PLEKHG5: variants seen among roughly 807,000 people sequenced by gnomAD.
PLEKHG5 encodes the protein pleckstrin homology domain-containing family G member 5.
In PLEKHG5, 52 loss-of-function variants were observed where a neutral mutation model predicts 103.8. The ratio of observed to expected loss-of-function variants is 0.50; its 90% CI spans 0.40 to 0.63. PLEKHG5 has a LOEUF of 0.63. Among genes scored for constraint, PLEKHG5 ranks in the 30% least tolerant of loss-of-function variants. The pLI is 0.00. For synonymous variants in PLEKHG5, 592 were observed against 575.5 expected (o/e 1.03, Z -0.41); for missense variants, 1,205 against 1,347.6 (o/e 0.89, Z 1.66).
At chr1:6,506,880 C>G (rs907153680) in intron 1 of PLEKHG5, among the ~76,000 whole-genome samples, 1 of 152,214 alleles carries the variant, frequency 6.6e-6, no homozygotes, top group African/African-American at 2.4e-5. Context: ...TCCTTCAGAT[C>G]ATGTCGCCTA....
At chr1:6,468,713 G>C in intron 19 of PLEKHG5, 127 bp from the exon 20 acceptor site, 1 of 990,304 alleles carries the variant, frequency 1.0e-6, no homozygotes, top group South Asian at 1.4e-5. Flanking sequence ...AGAGATGGCA[G>C]CATGTGGCAG....
Position 6,516,973 on chromosome 1 carries a change from C to T in PLEKHG5, c.-165+2472G>A, listed in dbSNP as rs927663257. 6.0e-5 allele frequency among the ~76,000 whole-genome samples: 9 copies of T among 149,762 alleles called. No homozygotes were observed. In the Admixed American group the frequency reaches 6.0e-4, roughly 10 times the overall value. On this transcript the variant is annotated intron_variant, in intron 1 of 21. Transcript: ENST00000377740. Reference sequence around the variant, plus strand: ...TAAAAGTAATACCTCTGTGGCTGGGCAAGGTGGCTCACACCTATAATCTCA... The same window carrying T: ...TAAAAGTAATACCTCTGTGGCTGGGTAAGGTGGCTCACACCTATAATCTCA...
chr1:6,519,609 T>A, exon 1 of PLEKHG5: 1 of 897,332 alleles, frequency 1.1e-6, no homozygotes. Context: ...CGTCCTGCTT[T>A]GCCCAGTTGC....
chr1:6,492,197 C>T (rs763210973), upstream of PLEKHG5, among the ~76,000 whole-genome samples: 54 of 152,312 alleles, frequency 3.5e-4, no homozygotes, highest in Admixed American at 5.2e-4. Context: ...GCATACAGTA[C>T]GTGCTGGATC....
chr1:6,489,136 C>T (rs551301479), intron 1 of PLEKHG5, among the ~76,000 whole-genome samples: 2 of 152,192 alleles, frequency 1.3e-5, no homozygotes, highest in African/African-American at 2.4e-5. Context: ...GATGTCCTTG[C>T]CAGGAATTCC....
At chr1:6,504,593 G>GC (rs1638252771) in intron 1 of PLEKHG5, among the ~76,000 whole-genome samples, 1 of 141,948 alleles carries the variant, frequency 7.0e-6, no homozygotes, top group African/African-American at 2.6e-5. Context: ...TTTTTGAGAT[G>GC]GAGTCTCGCT....
intron 1 of PLEKHG5, chr1:6,519,344 A>AGT: frequency 1.1e-6 from 1 of 901,468 alleles, no homozygotes; most frequent in Non-Finnish European, 1.9e-6. Context: ...TAATTCAGTG[A>AGT]GTGTGAGTCC....
Position 6,490,412 on chromosome 1 carries a change from C to T in PLEKHG5, c.-88+1225G>A, listed in dbSNP as rs911699104. ...CCTGGCGCCTAGTCCCACCCCCCGT[C>T]CGGAGCGCAGCTCCCACTTCCCCGC... On this transcript the variant is annotated intron_variant, in intron 1 of 20. Coordinates refer to ENST00000377728, the MANE Select transcript of PLEKHG5 (RefSeq NM_020631.6). The surrounding 1 kb of genome is among the most constrained non-coding windows in gnomAD (Gnocchi z 8.0). 4 of 980,658 alleles carry T rather than the reference C, an allele frequency of 4.1e-6. No individual in the cohort carries two copies. The African/African-American group carries it at 5.3e-5, about 13-fold the overall frequency. 60.7% of individuals were successfully genotyped at this position (980,658 alleles called of 1,614,324 possible).
At chr1:6,513,923 T>TG (rs1226492738) in intron 1 of PLEKHG5, among the ~76,000 whole-genome samples, 3 of 152,214 alleles carry the variant, frequency 2.0e-5, no homozygotes, top group Admixed American at 1.3e-4. Flanking sequence ...AGGGCAGCTA[T>TG]GGGGTCTCAA....
chr1:6,491,009 C>T lies in PLEKHG5; in HGVS notation c.-88+628G>A, dbSNP rs1401002743. 6.6e-6 allele frequency among the ~76,000 whole-genome samples: 1 copy of T among 152,148 alleles called. No individual in the cohort carries two copies. The highest frequency in any genetic ancestry group is 1.5e-5 in the Non-Finnish European group (1 of 68,028). On this transcript the variant is annotated intron_variant, in intron 1 of 20. Coordinates refer to ENST00000377728, the MANE Select transcript of PLEKHG5 (RefSeq NM_020631.6). The surrounding 1 kb of genome is among the most constrained non-coding windows in gnomAD (Gnocchi z 4.1). ...CCGGAATCGCCCTGAGCCAGGTTCG[C>T]TTCCGCTCTATTGTAAAAAGCTGGA...
intron 1 of PLEKHG5, among the ~76,000 whole-genome samples, chr1:6,488,266 A>G (rs534289323): frequency 6.6e-6 from 1 of 152,352 alleles, no homozygotes; most frequent in Admixed American, 6.5e-5. Flanking sequence ...ATCCCCATTT[A>G]ACAGATAGAG....
intron 3 of PLEKHG5, 63 bp from the exon 4 acceptor site, chr1:6,475,585 G>A (rs769806838): frequency 2.2e-5 from 31 of 1,420,910 alleles, no homozygotes; most frequent in East Asian, 1.4e-4. Context: ...CGTGGGCGGC[G>A]AGTGGGCCTG....
intron 1 of PLEKHG5, among the ~76,000 whole-genome samples, chr1:6,511,038 G>A (rs577009364): frequency 4.0e-4 from 61 of 152,076 alleles, no homozygotes; most frequent in Admixed American, 1.2e-3. Flanking sequence ...GTAGTGAGCC[G>A]AGATCGCGCC....
rs761560984 is a variant in PLEKHG5, at chr1:6,470,321, G to A, written c.1715C>T (p.Ala572Val). ...CTCCGGGGAGGCGCCAGGGATGGGC[G>A]CTGTCAAGTCCAGGTGCAGAAATTC... Reference protein sequence around the residue: ...LKEFLHLDLTAPIPGASPEET... With the variant: ...LKEFLHLDLTVPIPGASPEET... Residue 572 changes from alanine (A) to valine (V), a missense_variant, in exon 16 of 21, where the codon GCG (alanine) becomes GTG (valine). Physicochemically the swap from Ala to Val is moderately conservative, Grantham distance 64. Transcript: ENST00000377728. 5.0e-6 allele frequency: 8 copies of A among 1,614,024 alleles called. No homozygotes were observed. The South Asian group carries it at 7.7e-5, about 16-fold the overall frequency.
At position 6,473,061 on chromosome 1, in the gene PLEKHG5, G is replaced by T. The variant is rs376900021; in HGVS notation, c.909C>A (p.Tyr303Ter). 1 of 1,613,880 alleles carries T rather than the reference G, an allele frequency of 6.2e-7. No individual in the cohort carries two copies. The highest frequency in any genetic ancestry group is 8.5e-7 in the Non-Finnish European group (1 of 1,179,854). The change falls in exon 9 of 21, where the codon TAC (tyrosine) becomes TAA (stop). Residue 303 changes from tyrosine to a stop codon, truncating the protein, a stop_gained. Coordinates refer to ENST00000377728, the MANE Select transcript of PLEKHG5 (RefSeq NM_020631.6). LOFTEE classifies it high-confidence loss of function. ...RFDHDSWEEE[Y>*]DEDEDEDNAC... ...CATTGTCCTCATCCTCGTCTTCATC[G>T]TACTCCTCCTCCCAGGAGTCATGGT...
rs189229513 is a variant in PLEKHG5, at chr1:6,509,516, C to T, written c.-165+9929G>A. On this transcript the variant is annotated intron_variant, in intron 1 of 21. Coordinates refer to the PLEKHG5 transcript ENST00000377740. The stretch of plus-strand genomic sequence containing the variant: ...AGGAAGAGAAACAGGTGGCAGGACC[C>T]GGCCATCGACCCCCACGCCAGGAAG... 4.2e-3 allele frequency among the ~76,000 whole-genome samples: 637 copies of T among 152,312 alleles called. 4 individuals carry two copies. Among genetic ancestry groups the T allele is most frequent in the African/African-American group, 0.015 (616 of 41,574 alleles).
chr1:6,471,571 T>C lies in PLEKHG5; in HGVS notation c.1198A>G (p.Ser400Gly). Residue 400 changes from serine (S) to glycine (G), a missense_variant, in exon 12 of 21, where the codon AGC (serine) becomes GGC (glycine). Transcript: ENST00000377728. ...TTCTCCAGCACCGGCGCCATCACGC[T>C]AGCCCACAGCCTGCGGTGCAGCTGC... ...IAQLHRRLWA[S>G]VMAPVLEKAR... 6.2e-7 allele frequency: 1 copy of C among 1,602,902 alleles called. No individual in the cohort carries two copies. Among genetic ancestry groups the C allele is most frequent in the South Asian group, 1.1e-5 (1 of 89,414 alleles).
chr1:6,481,360 T>C (rs1009911010), intron 1 of PLEKHG5, among the ~76,000 whole-genome samples: 2 of 151,512 alleles, frequency 1.3e-5, no homozygotes, highest in Non-Finnish European at 2.9e-5. Flanking sequence ...GAAGAAACCC[T>C]GTCTCTACTA....
At chr1:6,495,138 C>T (rs1301506738), upstream of PLEKHG5, among the ~76,000 whole-genome samples, 1 of 152,244 alleles carries the variant, frequency 6.6e-6, no homozygotes, top group South Asian at 2.1e-4. Context: ...CTCGGGGCTC[C>T]GCAGGCCTCT....
Sources: allele counts gnomAD v4.1 joint callset (sites outside exome capture counted in the v4.1 genomes callset), GRCh38; gene constraint gnomAD v4.1.1; non-coding constraint Gnocchi (gnomAD v3.1); transcripts MANE v1.5; gene names NCBI Gene and HGNC (gene_info 2026-07-23, HGNC 2026-07-21).